The following SLC35F3 variants were observed in gnomAD, a reference collection of about 807,000 sequenced individuals.
The protein encoded by SLC35F3 is solute carrier family 35 member F3.
In SLC35F3, 25 loss-of-function variants were observed where a neutral mutation model predicts 49.9. That is an observed-to-expected ratio of 0.50 (90% confidence interval 0.37 to 0.70). The LOEUF (loss-of-function observed/expected upper bound fraction) is 0.70. Among genes scored for constraint, SLC35F3 ranks in the 30% least tolerant of loss-of-function variants. SLC35F3 has a pLI of 0.00. For synonymous variants in SLC35F3, 275 were observed against 265.4 expected (o/e 1.04, Z -0.35); for missense variants, 525 against 639.8 (o/e 0.82, Z 1.94).
intron 3 of SLC35F3, among the ~76,000 whole-genome samples, chr1:234,296,671 T>C (rs1308267278): frequency 2.6e-5 from 4 of 152,202 alleles, no homozygotes; most frequent in African/African-American, 9.7e-5. Flanking sequence ...AGCGATGCTT[T>C]GGGAACAGGC....
At chr1:234,173,275 T>C (rs1270685092) in intron 2 of SLC35F3, among the ~76,000 whole-genome samples, 1 of 152,208 alleles carries the variant, frequency 6.6e-6, no homozygotes, top group African/African-American at 2.4e-5. Flanking sequence ...CGCCAGATGT[T>C]GTTCTAAGTA....
At chr1:234,057,758 T>C (rs1261679447) in intron 2 of SLC35F3, among the ~76,000 whole-genome samples, 1 of 152,206 alleles carries the variant, frequency 6.6e-6, no homozygotes, top group Non-Finnish European at 1.5e-5. Context: ...CAGGCTGTAA[T>C]GCAGTGGTGT....
chr1:234,021,279 T>C (rs570198427), intron 2 of SLC35F3, among the ~76,000 whole-genome samples: 6 of 152,234 alleles, frequency 3.9e-5, no homozygotes, highest in African/African-American at 1.2e-4. Flanking sequence ...TGGGCAGTAA[T>C]GGAAGGAAGG....
chr1:234,106,860 A>C (rs1665291927), intron 2 of SLC35F3, among the ~76,000 whole-genome samples: 1 of 152,220 alleles, frequency 6.6e-6, no homozygotes, highest in Admixed American at 6.5e-5. Context: ...GCCAAGTGGC[A>C]GAATGAAGAA....
At chr1:234,132,810 C>T (rs17512702) in intron 2 of SLC35F3, among the ~76,000 whole-genome samples, 59,091 of 152,038 alleles carry the variant, frequency 0.39, 13,427 homozygotes, top group Middle Eastern at 0.52. Flanking sequence ...TGATTTCAAT[C>T]CATGGTGTTG....
rs1418022774 is a variant in SLC35F3, at chr1:234,285,511, C to G, written c.609-23590C>G. ...AAATTTTGGGGTGCCATCTATGTCTCTGTAACAGGAACAGTTCAGCAGGCT... is the reference window on the plus strand; with the variant it reads ...AAATTTTGGGGTGCCATCTATGTCTGTGTAACAGGAACAGTTCAGCAGGCT... On this transcript the variant is annotated intron_variant, in intron 3 of 7. Transcript: ENST00000366618. The G allele has an allele frequency of 1.1e-5, 4 of 371,762 alleles. No individual in the cohort carries two copies. In the Admixed American group the frequency reaches 1.4e-4, roughly 13 times the overall value. The allele number at this position is 371,762 out of a possible 1,614,324, so 23.0% of individuals were successfully genotyped here. A position where few individuals can be genotyped will look rare whatever the true frequency, so the allele number is the denominator to read the frequency against.
chr1:234,200,624 T>C (rs577957020), intron 2 of SLC35F3, among the ~76,000 whole-genome samples: 1 of 152,318 alleles, frequency 6.6e-6, no homozygotes, highest in African/African-American at 2.4e-5. Context: ...ATTAAGTATT[T>C]TTTTTTCCTA....
At chr1:233,935,189 CTTTTTTTTTTTTTTTT>C (rs35418747) in intron 2 of SLC35F3, among the ~76,000 whole-genome samples, 7 of 50,312 alleles carry the variant, frequency 1.4e-4, no homozygotes, top group Admixed American at 7.4e-4. Flanking sequence ...TTTCCTTGCC[CTTTTTTTTTTTTTTTT>C]TTTTTTTTTT....
chr1:234,132,863 C>T (rs758375156), intron 2 of SLC35F3, among the ~76,000 whole-genome samples: 8 of 152,138 alleles, frequency 5.3e-5, no homozygotes, highest in South Asian at 2.1e-4. Flanking sequence ...GAACATTCCA[C>T]GCAAAATTTC....
chr1:234,206,954 A>T (rs1246935438), intron 2 of SLC35F3, among the ~76,000 whole-genome samples: 1 of 152,110 alleles, frequency 6.6e-6, no homozygotes, highest in Non-Finnish European at 1.5e-5. Context: ...ACTCAAGCCC[A>T]GCCTGAGGGC....
At chr1:234,233,527 C>T (rs998111919) in intron 3 of SLC35F3, among the ~76,000 whole-genome samples, 13 of 152,198 alleles carry the variant, frequency 8.5e-5, no homozygotes, top group Non-Finnish European at 1.5e-5. Context: ...TTAGGGCGGG[C>T]CTGGCACCAT....
intron 2 of SLC35F3, among the ~76,000 whole-genome samples, chr1:234,115,606 A>T (rs1665474583): frequency 6.6e-6 from 1 of 152,242 alleles, no homozygotes; most frequent in Non-Finnish European, 1.5e-5. Context: ...AAATAATTTC[A>T]GACTTAGAGA....
chr1:233,987,420 C>T (rs1471146640), intron 2 of SLC35F3, among the ~76,000 whole-genome samples: 2 of 152,006 alleles, frequency 1.3e-5, no homozygotes, highest in African/African-American at 4.8e-5. Context: ...AATTTATTTC[C>T]TTTCTGGACT....
At chr1:234,283,564 G>A (rs562741417) in intron 3 of SLC35F3, among the ~76,000 whole-genome samples, 2 of 152,336 alleles carry the variant, frequency 1.3e-5, no homozygotes, top group East Asian at 1.9e-4. Context: ...CTAACAAGAG[G>A]GAGATTTAAT....
chr1:233,926,392 A>G (rs1223651810), intron 2 of SLC35F3, among the ~76,000 whole-genome samples: 1 of 152,042 alleles, frequency 6.6e-6, no homozygotes, highest in Admixed American at 6.6e-5. Context: ...TTGATTTTCA[A>G]TCACTGATAC....
chr1:233,930,193 A>T (rs918554723), intron 2 of SLC35F3, among the ~76,000 whole-genome samples: 2 of 152,022 alleles, frequency 1.3e-5, no homozygotes, highest in Non-Finnish European at 2.9e-5. Flanking sequence ...AAAAACTTTG[A>T]AAGGTTCTTG....
At chr1:234,201,086 T>C (rs564625878) in intron 2 of SLC35F3, among the ~76,000 whole-genome samples, 22 of 152,156 alleles carry the variant, frequency 1.4e-4, no homozygotes, top group Non-Finnish European at 2.9e-4. Flanking sequence ...CACAGTCCAC[T>C]AGCAAGCAGC....
At chr1:234,316,958 T>C (rs1460900621) in intron 5 of SLC35F3, among the ~76,000 whole-genome samples, 1 of 152,196 alleles carries the variant, frequency 6.6e-6, no homozygotes, top group Non-Finnish European at 1.5e-5. Flanking sequence ...GGCCTTCCTA[T>C]CTGTAGCCAC....
intron 2 of SLC35F3, among the ~76,000 whole-genome samples, chr1:234,102,706 C>T (rs1248163142): frequency 6.6e-6 from 1 of 152,216 alleles, no homozygotes; most frequent in East Asian, 1.9e-4. Flanking sequence ...CACGACTCCC[C>T]TCTTGCTCCT....
Sources: allele counts gnomAD v4.1 joint callset (sites outside exome capture counted in the v4.1 genomes callset), GRCh38; gene constraint gnomAD v4.1.1; transcripts MANE v1.5; gene names NCBI Gene and HGNC (gene_info 2026-07-23, HGNC 2026-07-21).